The following CATSPERB variants were observed in gnomAD, a reference collection of about 807,000 sequenced individuals.
CATSPERB encodes the protein catsper channel auxiliary subunit beta, also known as cation channel sperm-associated auxiliary subunit beta.
A neutral mutation model predicts 128.3 loss-of-function variants in CATSPERB; 93 were observed. The observed-to-expected ratio is 0.72, with a 90% CI of 0.61 to 0.86. The LOEUF is 0.86. Ranked by LOEUF, CATSPERB falls within the 40% of genes least tolerant of loss-of-function variation. The pLI, the probability that CATSPERB is intolerant of heterozygous loss-of-function variation, is 0.00. For synonymous variants in CATSPERB, 381 were observed against 448.8 expected (o/e 0.85, Z 1.91); for missense variants, 1,153 against 1,329.5 (o/e 0.87, Z 2.06).
At chr14:91,714,277 C>CAAAAAAAAAAAAAAAAGAA (rs35951126) in intron 5 of CATSPERB, among the ~76,000 whole-genome samples, 1 of 111,288 alleles carries the variant, frequency 9.0e-6, no homozygotes, top group Non-Finnish European at 1.8e-5. Flanking sequence ...TACAATAAGG[C>CAAAAAAAAAAAAAAAAGAA]AAAAAAAAAA....
chr14:91,680,279 A>G (rs1358495070), intron 11 of CATSPERB, among the ~76,000 whole-genome samples: 1 of 152,132 alleles, frequency 6.6e-6, no homozygotes, highest in Non-Finnish European at 1.5e-5. Context: ...AAACTATCCA[A>G]TCCTTCTAGG....
Position 91,729,422 on chromosome 14 carries a change from A to C in CATSPERB, c.58T>G (p.Ser20Ala). The change falls in exon 2 of 27, where the codon TCA becomes GCA. Residue 20 changes from serine to alanine, a missense_variant. Coordinates refer to ENST00000256343, the MANE Select transcript of CATSPERB (RefSeq NM_024764.4). Reference protein sequence around the residue: ...VLLLNIFEFSSGIVYNKDDTE... With the variant: ...VLLLNIFEFSAGIVYNKDDTE... ...TTACCTTTATTATATACTATTCCTGATGAAAATTCAAATATGTTCAAAAGC... is the reference window on the plus strand; with the variant it reads ...TTACCTTTATTATATACTATTCCTGCTGAAAATTCAAATATGTTCAAAAGC... 1 of 1,508,216 alleles carries C rather than the reference A, an allele frequency of 6.6e-7. No individual in the cohort carries two copies. The allele number at this position is 1,508,216 out of a possible 1,614,324, so 93.4% of individuals were successfully genotyped here.
At position 91,634,018 on chromosome 14, in the gene CATSPERB, G is replaced by A. The variant is rs562659246; in HGVS notation, c.1742+2407C>T. 7.4e-4 allele frequency among the ~76,000 whole-genome samples: 112 copies of A among 152,224 alleles called. 3 individuals are homozygous for A. In the South Asian group the frequency reaches 0.023, roughly 31 times the overall value. Reference sequence around the variant, plus strand: ...TGACCCTTGAACAATGCAGAGGTTAGGGATGCCAACCTCCTGTGCAGATGA... The same window carrying A: ...TGACCCTTGAACAATGCAGAGGTTAAGGATGCCAACCTCCTGTGCAGATGA... On this transcript the variant is annotated intron_variant, in intron 17 of 26. Coordinates refer to ENST00000256343, the MANE Select transcript of CATSPERB (RefSeq NM_024764.4).
At chr14:91,600,936 A>T (rs1893598963) in intron 22 of CATSPERB, among the ~76,000 whole-genome samples, 1 of 152,238 alleles carries the variant, frequency 6.6e-6, no homozygotes, top group African/African-American at 2.4e-5. Flanking sequence ...TCAAGTGGTT[A>T]TCTGCAGATT....
intron 22 of CATSPERB, among the ~76,000 whole-genome samples, chr14:91,599,345 G>T (rs569557640): frequency 6.6e-6 from 1 of 152,144 alleles, no homozygotes; most frequent in South Asian, 2.1e-4. Flanking sequence ...GGATCACGAA[G>T]TCAGGAGATT....
chr14:91,598,044 T>C (rs1893539820), intron 22 of CATSPERB, among the ~76,000 whole-genome samples: 2 of 151,952 alleles, frequency 1.3e-5, no homozygotes, highest in South Asian at 4.1e-4. Context: ...TGACTATTCA[T>C]GACATGGCCA....
intron 23 of CATSPERB, among the ~76,000 whole-genome samples, chr14:91,591,350 C>A (rs537919385): frequency 6.6e-6 from 1 of 152,056 alleles, no homozygotes; most frequent in African/African-American, 2.4e-5. Flanking sequence ...CCACCACACC[C>A]GGCCCCAACT....
chr14:91,671,424 A>C (rs1895085435), intron 13 of CATSPERB, among the ~76,000 whole-genome samples: 1 of 151,906 alleles, frequency 6.6e-6, no homozygotes, highest in South Asian at 2.1e-4. Context: ...AAAATACAAA[A>C]ATTGACCAGG....
At position 91,586,557 on chromosome 14, in the gene CATSPERB, GAGAGAGAGAGAGAA is replaced by G. The variant is rs373170667; in HGVS notation, c.3132+631_3132+644del. On this transcript the variant is annotated intron_variant, in intron 26 of 26. Coordinates refer to ENST00000256343, the MANE Select transcript of CATSPERB (RefSeq NM_024764.4). Reference sequence around the variant, plus strand: ...GCTGGGCCGGAACAGGAGAGAGAGAGAGAGAGAGAGAGAAAGAGAGAGAGAGAGAGAGAGAGACA... The same window carrying G: ...GCTGGGCCGGAACAGGAGAGAGAGAGAGAGAGAGAGAGAGAGAGAGAGACA... Among the ~76,000 whole-genome samples the G allele has an allele frequency of 1.3e-3, 166 of 132,366 alleles. No homozygotes were observed. The South Asian group carries it at 0.02, about 16-fold the overall frequency. 86.8% of individuals were successfully genotyped at this position (132,366 alleles called of 152,430 possible).
chr14:91,654,917 C>G (rs1358790719), intron 15 of CATSPERB, among the ~76,000 whole-genome samples: 1 of 152,056 alleles, frequency 6.6e-6, no homozygotes, highest in African/African-American at 2.4e-5. Context: ...GAAAGAGACA[C>G]TATTTGTTTG....
intron 17 of CATSPERB, among the ~76,000 whole-genome samples, chr14:91,630,086 T>C (rs1208449551): frequency 1.3e-5 from 2 of 152,254 alleles, no homozygotes; most frequent in Non-Finnish European, 2.9e-5. Context: ...CAGCCTAGAA[T>C]GGTGCCAAAT....
intron 11 of CATSPERB, among the ~76,000 whole-genome samples, chr14:91,678,501 T>C (rs1197866714): frequency 6.6e-6 from 1 of 152,248 alleles, no homozygotes. Flanking sequence ...GTGATGTTGA[T>C]GTATTATGTG....
chr14:91,623,539 C>T (rs1894095191), intron 18 of CATSPERB, among the ~76,000 whole-genome samples: 1 of 152,224 alleles, frequency 6.6e-6, no homozygotes, highest in Non-Finnish European at 1.5e-5. Flanking sequence ...CAGCCATCTT[C>T]CCTGAACTCC....
rs192303711 is a variant in CATSPERB, at chr14:91,723,622, A to C, written c.169-433T>G. Among the ~76,000 whole-genome samples, 790 of 152,330 alleles carry C rather than the reference A, an allele frequency of 5.2e-3. 6 individuals are homozygous for C. Among genetic ancestry groups the C allele is most frequent in the African/African-American group, 0.018 (738 of 41,586 alleles). ...GTGGATTTTCCTGAAAACTAACATG[A>C]GACAGATACCAAGAGCTTTATTTCA... On this transcript the variant is annotated intron_variant, in intron 3 of 26. Coordinates refer to ENST00000256343, the MANE Select transcript of CATSPERB (RefSeq NM_024764.4).
intron 20 of CATSPERB, among the ~76,000 whole-genome samples, chr14:91,612,439 C>A (rs1893854285): frequency 6.6e-6 from 1 of 152,068 alleles, no homozygotes; most frequent in African/African-American, 2.4e-5. Context: ...GTATGAGCCA[C>A]CATACTTAGC....
At chr14:91,725,520 A>G (rs2139782756) in intron 2 of CATSPERB, among the ~76,000 whole-genome samples, 1 of 152,310 alleles carries the variant, frequency 6.6e-6, no homozygotes, top group East Asian at 1.9e-4. Context: ...TTGTGTTTTG[A>G]TAGAGAGGTA....
At chr14:91,652,579 G>A (rs965425454) in intron 15 of CATSPERB, among the ~76,000 whole-genome samples, 12 of 149,088 alleles carry the variant, frequency 8.0e-5, no homozygotes, top group African/African-American at 2.7e-4. Context: ...GCTGAGGCAG[G>A]AGAATCGCTT....
chr14:91,674,572 A>C (rs1378360518), intron 11 of CATSPERB, among the ~76,000 whole-genome samples: 1 of 152,140 alleles, frequency 6.6e-6, no homozygotes, highest in African/African-American at 2.4e-5. Context: ...GCTTAGATTC[A>C]AAGTGCATTT....
intron 22 of CATSPERB, among the ~76,000 whole-genome samples, chr14:91,595,845 T>G (rs987442152): frequency 2.0e-5 from 3 of 152,212 alleles, no homozygotes; most frequent in African/African-American, 7.2e-5. Flanking sequence ...TAGTCACAAA[T>G]AGTTTCCAAA....
Sources: allele counts gnomAD v4.1 joint callset (sites outside exome capture counted in the v4.1 genomes callset), GRCh38; gene constraint gnomAD v4.1.1; transcripts MANE v1.5; gene names NCBI Gene and HGNC (gene_info 2026-07-23, HGNC 2026-07-21).